PAK5: variants seen among roughly 807,000 people sequenced by gnomAD.
PAK5 encodes serine/threonine-protein kinase PAK 5.
A neutral mutation model predicts 65.9 loss-of-function variants in PAK5; 16 were observed. The observed-to-expected ratio is 0.24, with a 90% CI of 0.16 to 0.37. The LOEUF is 0.37. Ranked by LOEUF, PAK5 falls within the 10% of genes least tolerant of loss-of-function variation. PAK5 has a pLI of 1.00. For missense variants in PAK5, 785 were observed against 903.9 expected, an observed-to-expected ratio of 0.87 and a Z score of 1.69; for synonymous variants, 371 against 354.9, an observed-to-expected ratio of 1.05 and a Z score of -0.51.
At chr20:9,805,171 A>G in intron 1 of PAK5, among the ~76,000 whole-genome samples, 1 of 152,182 alleles carries the variant, frequency 6.6e-6, no homozygotes, top group Admixed American at 6.5e-5. Context: ...AACCACAATG[A>G]GATACCACTT....
At chr20:9,800,099 C>G (rs116124400) in intron 1 of PAK5, among the ~76,000 whole-genome samples, 1 of 151,906 alleles carries the variant, frequency 6.6e-6, no homozygotes, top group Non-Finnish European at 1.5e-5. Context: ...TATAAAAACC[C>G]TTCCTAATAA....
At position 9,565,998 on chromosome 20, in the gene PAK5, T is replaced by C; in HGVS notation, c.1377A>G (p.Ser459=). The C allele has an allele frequency of 6.2e-7, 1 of 1,612,800 alleles. No homozygotes were observed. Among genetic ancestry groups the C allele is most frequent in the Non-Finnish European group, 8.5e-7 (1 of 1,179,602 alleles). ...LANFIKIGEG[S]TGIVCIATEK... is the part of the protein sequence containing the mutation. ...CGGTGGCGATGCATACGATGCCGGT[T>C]GAGCCTTCCCCGATTTTGATAAAGT... is the stretch of plus-strand genomic sequence containing the variant. The change falls in exon 5 of 10, where the codon TCA becomes TCG. Residue 459 remains serine, a synonymous_variant. Coordinates refer to ENST00000353224, the MANE Select transcript of PAK5 (RefSeq NM_177990.4).
At chr20:9,669,515 T>C (rs73241001) in intron 2 of PAK5, among the ~76,000 whole-genome samples, 1,808 of 152,252 alleles carry the variant, frequency 0.012, 27 homozygotes, top group African/African-American at 0.041. Context: ...GGATTAAAAT[T>C]TGAGGTTTTT....
intron 1 of PAK5, among the ~76,000 whole-genome samples, chr20:9,794,231 G>A (rs2049081275): frequency 6.6e-6 from 1 of 151,782 alleles, no homozygotes; most frequent in South Asian, 2.1e-4. Context: ...ATGCATGTGG[G>A]GCTTAAAACC....
intron 3 of PAK5, among the ~76,000 whole-genome samples, chr20:9,641,204 C>G (rs1018706889): frequency 2.6e-5 from 4 of 151,874 alleles, no homozygotes; most frequent in African/African-American, 4.8e-5. Context: ...TACAGAGTGT[C>G]GATTGGTGCA....
chr20:9,784,034 A>G (rs2048968434), intron 1 of PAK5, among the ~76,000 whole-genome samples: 1 of 152,182 alleles, frequency 6.6e-6, no homozygotes, highest in African/African-American at 2.4e-5. Context: ...GTCTCATGAA[A>G]TGTTAAAAAA....
intron 1 of PAK5, among the ~76,000 whole-genome samples, chr20:9,712,471 T>A (rs144663767): frequency 8.5e-5 from 13 of 152,218 alleles, no homozygotes; most frequent in Non-Finnish European, 1.9e-4. Context: ...ATTCCAGCAA[T>A]CTTATCAAAA....
chr20:9,540,453 C>A (rs887328337), intron 9 of PAK5, among the ~76,000 whole-genome samples: 9 of 151,958 alleles, frequency 5.9e-5, no homozygotes, highest in Non-Finnish European at 1.0e-4. Context: ...TGTACTTTAC[C>A]AAAATGGAGT....
intron 2 of PAK5, among the ~76,000 whole-genome samples, chr20:9,679,325 T>G (rs1462112680): frequency 1.3e-5 from 2 of 151,944 alleles, no homozygotes; most frequent in Admixed American, 1.3e-4. Context: ...TTTGGGGGAG[T>G]CAAAAGTTAT....
chr20:9,649,595 C>A (rs937314054), intron 2 of PAK5, among the ~76,000 whole-genome samples: 2 of 152,174 alleles, frequency 1.3e-5, no homozygotes, highest in African/African-American at 4.8e-5. Flanking sequence ...TAAGCATATG[C>A]CTAGTCTAAA....
intron 1 of PAK5, among the ~76,000 whole-genome samples, chr20:9,813,923 T>C (rs1402013394): frequency 6.6e-6 from 1 of 152,198 alleles, no homozygotes. Flanking sequence ...TTTGTGTATA[T>C]GTTAACCTTC....
chr20:9,542,110 A>T lies in PAK5; in HGVS notation c.2004+476T>A, dbSNP rs114753130. On this transcript the variant is annotated intron_variant, in intron 9 of 9. Coordinates refer to ENST00000353224, the MANE Select transcript of PAK5 (RefSeq NM_177990.4). ...TCTCCTGCACACTCTGTCACATCAC[A>T]GTATGTTTTTCTTTCATAGTATGTA... Among the ~76,000 whole-genome samples the T allele has an allele frequency of 7.1e-3, 1,088 of 152,236 alleles. 8 individuals carry two copies. The highest frequency in any genetic ancestry group is 0.025 in the African/African-American group (1,019 of 41,538).
intron 3 of PAK5, among the ~76,000 whole-genome samples, chr20:9,605,607 A>C (rs1411776939): frequency 6.6e-6 from 1 of 152,208 alleles, no homozygotes; most frequent in Non-Finnish European, 1.5e-5. Flanking sequence ...ACAGTGGACA[A>C]CTACTATTGC....
intron 1 of PAK5, among the ~76,000 whole-genome samples, chr20:9,815,525 A>T (rs1046425982): frequency 2.0e-5 from 3 of 152,050 alleles, no homozygotes; most frequent in African/African-American, 7.2e-5. Flanking sequence ...GACCCTCCCC[A>T]GCTCTGACAT....
Position 9,537,699 on chromosome 20 carries a change from A to AT in PAK5, c.*1762dup, listed in dbSNP as rs2045192991. ...TGTCTCATGAACATTTAGGACTGCC[A>AT]TTTTCTGGATTTAGATTGTTTTTAT... On this transcript the variant is annotated 3_prime_UTR_variant, in exon 10 of 10. Transcript: ENST00000353224. 1 of 219,948 alleles carries AT rather than the reference A, an allele frequency of 4.5e-6. No homozygotes were observed. The highest frequency in any genetic ancestry group is 6.8e-5 in the East Asian group (1 of 14,728). The allele number at this position is 219,948 out of a possible 1,614,324, so 13.6% of individuals were successfully genotyped here.
intron 1 of PAK5, among the ~76,000 whole-genome samples, chr20:9,759,884 A>C (rs1057330515): frequency 2.0e-5 from 3 of 152,156 alleles, no homozygotes; most frequent in Non-Finnish European, 4.4e-5. Flanking sequence ...AACATATACC[A>C]ACCATCTCAT....
chr20:9,768,790 C>CTTAAAAAAAAAAAA (rs2048800052), intron 1 of PAK5, among the ~76,000 whole-genome samples: 2 of 34,874 alleles, frequency 5.7e-5, no homozygotes, highest in Non-Finnish European at 1.1e-4. Context: ...GACTCCATCG[C>CTTAAAAAAAAAAAA]AAAAAAAAAA....
intron 6 of PAK5, among the ~76,000 whole-genome samples, chr20:9,559,719 C>G (rs1042163962): frequency 6.6e-6 from 1 of 151,980 alleles, no homozygotes; most frequent in Non-Finnish European, 1.5e-5. Flanking sequence ...GCGGAGATAG[C>G]GCCTCTGCAT....
At chr20:9,753,664 G>A (rs922048839) in intron 1 of PAK5, among the ~76,000 whole-genome samples, 1 of 152,060 alleles carries the variant, frequency 6.6e-6, no homozygotes, top group Non-Finnish European at 1.5e-5. Context: ...AGCCCATAAA[G>A]GGAAATCCTA....
Sources: allele counts gnomAD v4.1 joint callset (sites outside exome capture counted in the v4.1 genomes callset), GRCh38; gene constraint gnomAD v4.1.1; transcripts MANE v1.5; gene names NCBI Gene and HGNC (gene_info 2026-07-23, HGNC 2026-07-21).